Variants in BTBD10 observed in about 807,000 individuals in gnomAD.
BTBD10 encodes BTB domain containing 10, also known as BTB/POZ domain-containing protein 10.
BTBD10 carries 21 observed loss-of-function variants against 53.2 expected under a neutral mutation model. The observed-to-expected ratio is 0.39, with a 90% CI of 0.28 to 0.57. BTBD10 has a LOEUF of 0.57. Ranked by LOEUF, BTBD10 falls within the 20% of genes least tolerant of loss-of-function variation. The pLI, the probability that BTBD10 is intolerant of heterozygous loss-of-function variation, is 0.53. For missense variants in BTBD10, 360 were observed against 594.7 expected, an observed-to-expected ratio of 0.61 and a Z score of 4.10; for synonymous variants, 149 against 192.7, an observed-to-expected ratio of 0.77 and a Z score of 1.88.
At chr11:13,425,468 T>C (rs1376699398) in intron 2 of BTBD10, among the ~76,000 whole-genome samples, 1 of 151,452 alleles carries the variant, frequency 6.6e-6, no homozygotes, top group Non-Finnish European at 1.5e-5. Flanking sequence ...ACATAACCCA[T>C]GAGGAAAAAA....
intron 2 of BTBD10, among the ~76,000 whole-genome samples, chr11:13,438,961 G>A (rs553271422): frequency 2.6e-5 from 4 of 151,854 alleles, no homozygotes; most frequent in Admixed American, 2.0e-4. Flanking sequence ...AAGATACCAC[G>A]AACAGAACTA....
At chr11:13,431,838 GA>G (rs1302430249) in intron 2 of BTBD10, among the ~76,000 whole-genome samples, 1 of 152,048 alleles carries the variant, frequency 6.6e-6, no homozygotes, top group East Asian at 1.9e-4. Flanking sequence ...AAGAACTGAA[GA>G]AAAACATCAG....
At chr11:13,423,492 G>A (rs1189005327) in intron 2 of BTBD10, among the ~76,000 whole-genome samples, 2 of 152,198 alleles carry the variant, frequency 1.3e-5, no homozygotes, top group African/African-American at 4.8e-5. Flanking sequence ...TATGACAGAT[G>A]AGGATGTTAA....
chr11:13,417,292 A>G (rs750704814), intron 4 of BTBD10, 32 bp from the exon 5 acceptor site: 41 of 1,455,256 alleles, frequency 2.8e-5, no homozygotes, highest in East Asian at 1.4e-4. Flanking sequence ...AAATACGTCA[A>G]TAGAATACTT....
At chr11:13,452,022 G>A (rs960848909) in intron 1 of BTBD10, among the ~76,000 whole-genome samples, 2 of 151,996 alleles carry the variant, frequency 1.3e-5, no homozygotes, top group Non-Finnish European at 2.9e-5. Flanking sequence ...AACCATCAGG[G>A]AACTTGGAAA....
intron 3 of BTBD10, among the ~76,000 whole-genome samples, chr11:13,420,770 A>C (rs1950227672): frequency 6.6e-6 from 1 of 152,156 alleles, no homozygotes; most frequent in Admixed American, 6.5e-5. Flanking sequence ...CCAAAAGCAA[A>C]ATTTGCTAAA....
chr11:13,424,769 A>G (rs1950305871), intron 2 of BTBD10, among the ~76,000 whole-genome samples: 1 of 152,204 alleles, frequency 6.6e-6, no homozygotes. Context: ...ATAGGAAACA[A>G]CAGTCTGCAA....
intron 1 of BTBD10, among the ~76,000 whole-genome samples, chr11:13,462,459 G>A (rs180830986): frequency 2.1e-3 from 327 of 152,278 alleles, no homozygotes; most frequent in Middle Eastern, 0.014. Context: ...GGAAATCTGT[G>A]AGGCCCAGGG....
chr11:13,450,235 G>A (rs961116708), intron 1 of BTBD10, among the ~76,000 whole-genome samples: 6 of 152,134 alleles, frequency 3.9e-5, no homozygotes, highest in Middle Eastern at 3.2e-3. Context: ...AAGCCAAGAC[G>A]ACACCTGAGA....
At chr11:13,449,403 C>T (rs540608132) in intron 1 of BTBD10, among the ~76,000 whole-genome samples, 5 of 151,854 alleles carry the variant, frequency 3.3e-5, no homozygotes, top group Non-Finnish European at 7.4e-5. Context: ...GATTAAAACC[C>T]CAGTCTAACA....
At chr11:13,435,627 G>A (rs1035560772) in intron 2 of BTBD10, among the ~76,000 whole-genome samples, 3 of 152,070 alleles carry the variant, frequency 2.0e-5, no homozygotes, top group Admixed American at 6.5e-5. Flanking sequence ...CAAGTAGCTG[G>A]GACTACAGGT....
chr11:13,452,409 A>G (rs1393101406), intron 1 of BTBD10, among the ~76,000 whole-genome samples: 2 of 152,192 alleles, frequency 1.3e-5, no homozygotes, highest in African/African-American at 4.8e-5. Flanking sequence ...TTTTATCAAA[A>G]CTGACAGAAC....
intron 2 of BTBD10, among the ~76,000 whole-genome samples, chr11:13,438,062 T>C (rs969328303): frequency 6.6e-5 from 10 of 152,138 alleles, no homozygotes; most frequent in South Asian, 2.1e-4. Flanking sequence ...CTCTTCCACT[T>C]TGACAAAGAA....
intron 1 of BTBD10, among the ~76,000 whole-genome samples, chr11:13,461,930 CTTTTT>C (rs564388278): frequency 1.5e-5 from 2 of 136,012 alleles, no homozygotes; most frequent in Non-Finnish European, 3.2e-5. Context: ...TCTTCTCACA[CTTTTT>C]TTTTTTTTTT....
Position 13,403,292 on chromosome 11 carries a change from G to C in BTBD10, c.1007-14C>G, listed in dbSNP as rs1949749694. 2 of 1,274,336 alleles carry C rather than the reference G, an allele frequency of 1.6e-6. No individual in the cohort carries two copies. The highest frequency in any genetic ancestry group is 3.1e-5 in the African/African-American group (2 of 63,950). 78.9% of individuals were successfully genotyped at this position (1,274,336 alleles called of 1,614,324 possible). On this transcript the variant is annotated splice_polypyrimidine_tract_variant and intron_variant, in intron 7 of 8. Transcript: ENST00000278174. ...TGCTATAAATAACTAGAAACAAAAA[G>C]AAAAATATTATTGTATTAAAATTAA...
intron 6 of BTBD10, among the ~76,000 whole-genome samples, chr11:13,412,618 T>A (rs1194696023): frequency 1.3e-5 from 2 of 152,246 alleles, no homozygotes; most frequent in African/African-American, 4.8e-5. Flanking sequence ...TGAGAATTTT[T>A]TGTATTACCA....
At chr11:13,444,995 C>G in intron 2 of BTBD10, 29 bp downstream of exon 2, 2 of 1,542,936 alleles carry the variant, frequency 1.3e-6, no homozygotes, top group Non-Finnish European at 1.8e-6. Context: ...GCAGAGCTTT[C>G]ATATGCGAAA....
intron 7 of BTBD10, among the ~76,000 whole-genome samples, chr11:13,403,694 T>C (rs1565234472): frequency 6.6e-6 from 1 of 152,236 alleles, no homozygotes; most frequent in African/African-American, 2.4e-5. Context: ...AAAACTGCCT[T>C]GTCAAAGAGT....
At position 13,388,603 on chromosome 11, in the gene BTBD10, A is replaced by G; in HGVS notation, c.*228T>C. 1 of 451,770 alleles carries G rather than the reference A, an allele frequency of 2.2e-6. No individual in the cohort carries two copies. 28.0% of individuals were successfully genotyped at this position (451,770 alleles called of 1,614,324 possible). A position where few individuals can be genotyped will look rare whatever the true frequency, so the allele number is the denominator to read the frequency against. ...TACAAAGAACCAATTTCACAAACCT[A>G]CTGGTAAACAAATACATTTACAACT... On this transcript the variant is annotated 3_prime_UTR_variant, in exon 9 of 9. Coordinates refer to ENST00000278174, the MANE Select transcript of BTBD10 (RefSeq NM_032320.7).
Sources: gnomAD v4.1 joint callset for allele counts (sites outside exome capture counted in the v4.1 genomes callset) on GRCh38, gnomAD v4.1.1 for gene constraint, MANE v1.5 for transcripts, NCBI Gene and HGNC (gene_info 2026-07-23, HGNC 2026-07-21) for gene names.